CDH18: variants seen among roughly 807,000 people sequenced by gnomAD.
CDH18 encodes cadherin-18.
In CDH18, 31 loss-of-function variants were observed where a neutral mutation model predicts 67.9. The ratio of observed to expected loss-of-function variants is 0.46; its 90% CI spans 0.34 to 0.62. CDH18 has a LOEUF of 0.62. CDH18 is among the 20% of genes least tolerant of loss of function. CDH18 has a pLI of 0.01. For synonymous variants in CDH18, 362 were observed against 347.2 expected (o/e 1.04, Z -0.48); for missense variants, 890 against 975.5 (o/e 0.91, Z 1.17).
intron 5 of CDH18, among the ~76,000 whole-genome samples, chr5:19,681,277 A>G (rs893677118): frequency 2.0e-5 from 3 of 151,970 alleles, no homozygotes; most frequent in South Asian, 4.1e-4. Context: ...AAAACTACCT[A>G]TCAGGTACTA....
At chr5:19,481,739 C>T (rs1739453321) in intron 12 of CDH18, among the ~76,000 whole-genome samples, 1 of 152,172 alleles carries the variant, frequency 6.6e-6, no homozygotes, top group African/African-American at 2.4e-5. Context: ...AGTTATTTGT[C>T]TTCAACCCCA....
At chr5:20,161,610 T>C (rs1250266941) in intron 2 of CDH18, among the ~76,000 whole-genome samples, 1 of 152,204 alleles carries the variant, frequency 6.6e-6, no homozygotes, top group African/African-American at 2.4e-5. Context: ...ATAGAAGAGA[T>C]CATTCATATC....
chr5:20,406,541 C>T (rs923541596), intron 1 of CDH18, among the ~76,000 whole-genome samples: 3 of 151,024 alleles, frequency 2.0e-5, no homozygotes, highest in African/African-American at 4.9e-5. Context: ...TGAACCTGTA[C>T]GTTGTGCACA....
chr5:20,269,726 G>C (rs765868777), intron 1 of CDH18, among the ~76,000 whole-genome samples: 1 of 152,050 alleles, frequency 6.6e-6, no homozygotes. Flanking sequence ...GAAGGGTGAA[G>C]GGGTAAAAGT....
intron 4 of CDH18, among the ~76,000 whole-genome samples, chr5:19,728,380 C>G (rs1012349280): frequency 6.6e-6 from 1 of 152,034 alleles, no homozygotes; most frequent in African/African-American, 2.4e-5. Flanking sequence ...GTTAGCTGTT[C>G]CCATGCTGAG....
chr5:20,483,992 A>G (rs12152733), intron 1 of CDH18, among the ~76,000 whole-genome samples: 27,960 of 152,004 alleles, frequency 0.18, 3,190 homozygotes, highest in East Asian at 0.39. Flanking sequence ...AAGTGAAGAG[A>G]CAATCCACAG....
chr5:20,170,634 A>C lies in CDH18; in HGVS notation c.-518+84810T>G, dbSNP rs189811521. Among the ~76,000 whole-genome samples, 3 of 152,226 alleles carry C rather than the reference A, an allele frequency of 2.0e-5. No homozygotes were observed. In the East Asian group the frequency reaches 5.8e-4, roughly 29 times the overall value. On this transcript the variant is annotated intron_variant, in intron 2 of 14. Transcript: ENST00000507958. ...ATATAGAAAGACTCATACTTATTCA[A>C]ACATTTTAATTTGTTTAGTTAGGTT...
intron 2 of CDH18, among the ~76,000 whole-genome samples, chr5:20,045,548 G>A (rs1284864270): frequency 6.6e-6 from 1 of 151,584 alleles, no homozygotes; most frequent in Admixed American, 6.6e-5. Context: ...ATATTTAAAA[G>A]GAACTAAGGT....
intron 3 of CDH18, among the ~76,000 whole-genome samples, chr5:19,799,376 A>G (rs1485199949): frequency 6.6e-6 from 1 of 151,910 alleles, no homozygotes; most frequent in Non-Finnish European, 1.5e-5. Flanking sequence ...ATAGTTAACA[A>G]TATGGTATTG....
rs561442569 is a variant in CDH18, at chr5:20,263,869, C to T, written c.-579-8364G>A. On this transcript the variant is annotated intron_variant, in intron 1 of 14. Coordinates refer to the CDH18 transcript ENST00000507958. ...AAGTTAGATTTTTTTAAGGTGTGAG[C>T]TCTTTCATTGTTTACTACTAGCTAA... Among the ~76,000 whole-genome samples the T allele has an allele frequency of 2.6e-5, 4 of 152,060 alleles. No homozygotes were observed. In the South Asian group the frequency reaches 8.3e-4, roughly 32 times the overall value.
At chr5:20,209,993 AT>A (rs1304367445) in intron 2 of CDH18, among the ~76,000 whole-genome samples, 5 of 151,496 alleles carry the variant, frequency 3.3e-5, no homozygotes, top group African/African-American at 1.2e-4. Flanking sequence ...TAACTAAATA[AT>A]AATGTAAGAT....
At chr5:20,007,906 G>A (rs940430893) in intron 2 of CDH18, among the ~76,000 whole-genome samples, 4 of 151,918 alleles carry the variant, frequency 2.6e-5, no homozygotes, top group African/African-American at 7.3e-5. Flanking sequence ...TATAGTCTGC[G>A]GCTGCTTCAT....
At chr5:19,766,258 G>C (rs1314806006) in intron 3 of CDH18, among the ~76,000 whole-genome samples, 1 of 152,160 alleles carries the variant, frequency 6.6e-6, no homozygotes, top group African/African-American at 2.4e-5. Flanking sequence ...GTATGTATCA[G>C]AGTAAGAAGC....
rs577963657 is a variant in CDH18, at chr5:20,389,597, A to G, written c.-579-134092T>C. ...TTATAGATTCAATGCCATCCCCATC[A>G]AGCTACCAATGACTTTCTTCACAGA... On this transcript the variant is annotated intron_variant, in intron 1 of 14. Coordinates refer to the CDH18 transcript ENST00000507958. 9.9e-5 allele frequency among the ~76,000 whole-genome samples: 15 copies of G among 152,234 alleles called. No individual in the cohort carries two copies. In the East Asian group the frequency reaches 2.5e-3, roughly 26 times the overall value.
At chr5:19,801,726 C>T (rs572918918) in intron 3 of CDH18, among the ~76,000 whole-genome samples, 2 of 152,264 alleles carry the variant, frequency 1.3e-5, no homozygotes, top group East Asian at 3.9e-4. Flanking sequence ...ACATTCTTTA[C>T]AGACACTAAG....
Position 19,963,728 on chromosome 5 carries a change from C to T in CDH18, c.-257+17332G>A, listed in dbSNP as rs183205868. Among the ~76,000 whole-genome samples, 28 of 151,846 alleles carry T rather than the reference C, an allele frequency of 1.8e-4. 1 individual carries two copies. Among genetic ancestry groups the T allele is most frequent in the Admixed American group, 1.8e-3 (28 of 15,250 alleles). ...ATAAATTACCCAGTATTGGGTATGT[C>T]TTTATTAGCAGCATGAGAATGGACA... On this transcript the variant is annotated intron_variant, in intron 2 of 12. Coordinates refer to ENST00000382275, the MANE Select transcript of CDH18 (RefSeq NM_004934.5).
intron 2 of CDH18, among the ~76,000 whole-genome samples, chr5:19,906,832 C>G (rs887203910): frequency 6.6e-5 from 10 of 151,932 alleles, no homozygotes; most frequent in Admixed American, 6.6e-4. Context: ...AAATCCACAA[C>G]CAATCAAGAC....
intron 2 of CDH18, among the ~76,000 whole-genome samples, chr5:20,030,681 G>A (rs756447852): frequency 6.6e-6 from 1 of 152,150 alleles, no homozygotes; most frequent in Non-Finnish European, 1.5e-5. Context: ...ATACTCAGAT[G>A]TGAATGGCCA....
At chr5:20,123,082 CTA>C (rs901862677) in intron 2 of CDH18, among the ~76,000 whole-genome samples, 20 of 148,454 alleles carry the variant, frequency 1.3e-4, no homozygotes, top group Admixed American at 2.7e-4. Context: ...ATGATATTTC[CTA>C]TATATATTCA....
Sources: gnomAD v4.1 joint callset for allele counts (sites outside exome capture counted in the v4.1 genomes callset) on GRCh38, gnomAD v4.1.1 for gene constraint, MANE v1.5 for transcripts, NCBI Gene and HGNC (gene_info 2026-07-23, HGNC 2026-07-21) for gene names.